Variants in WDHD1 observed in about 807,000 individuals in gnomAD.
WDHD1 encodes the protein WD repeat and HMG-box DNA binding protein 1, also known as WD repeat and HMG-box DNA-binding protein 1.
WDHD1 carries 111 observed loss-of-function variants against 135.4 expected under a neutral mutation model. That is an observed-to-expected ratio of 0.82 (90% CI 0.70 to 0.96). The LOEUF (loss-of-function observed/expected upper bound fraction) is 0.96. Ranked by LOEUF, WDHD1 falls within the 40% of genes least tolerant of loss-of-function variation. The probability of loss-of-function intolerance (pLI) is 0.00; values close to 1 mark genes in which losing one functional copy is unlikely to be tolerated. For synonymous variants in WDHD1, 434 were observed against 439.0 expected, an observed-to-expected ratio of 0.99 and a Z score of 0.14; for missense variants, 1,351 against 1,336.3, an observed-to-expected ratio of 1.01 and a Z score of -0.17.
At chr14:55,026,099 C>A (rs942853094) in intron 2 of WDHD1, among the ~76,000 whole-genome samples, 2 of 152,184 alleles carry the variant, frequency 1.3e-5, no homozygotes, top group African/African-American at 2.4e-5. Flanking sequence ...GAGGAAAAGA[C>A]TGTGTCTGGT....
chr14:54,955,625 T>C lies in WDHD1; in HGVS notation c.2986A>G (p.Asn996Asp). 1 of 1,593,690 alleles carries C rather than the reference T, an allele frequency of 6.3e-7. No individual in the cohort carries two copies. The highest frequency in any genetic ancestry group is 8.5e-7 in the Non-Finnish European group (1 of 1,172,670). The change falls in exon 24 of 26, where the codon AAT becomes GAT. Residue 996 changes from asparagine to aspartate, a missense_variant. Physicochemically the swap from Asn to Asp is conservative, Grantham distance 23 (BLOSUM62 1). Around this residue, in one of 2 missense-constraint regions of WDHD1, gnomAD observed 1,330 missense variants for 1,296.1 expected, o/e 1.03. Coordinates refer to ENST00000360586, the MANE Select transcript of WDHD1 (RefSeq NM_007086.4). ...TNKTEEVKEE[N>D]LKNVLSETPA... Reference sequence around the variant, plus strand: ...GTTTCAGATAATACATTTTTAAGATTTTCTTCTTTCACTTCCTCAGTTTTA... The same window carrying C: ...GTTTCAGATAATACATTTTTAAGATCTTCTTCTTTCACTTCCTCAGTTTTA...
rs754321555 is a variant in WDHD1 at position 54,941,602 on chromosome 14, G to C, written c.3278C>G (p.Thr1093Arg). 1 of 1,613,786 alleles carries C rather than the reference G, an allele frequency of 6.2e-7. No individual in the cohort carries two copies. Among genetic ancestry groups the C allele is most frequent in the Non-Finnish European group, 8.5e-7 (1 of 1,179,938 alleles). ...TTTTGCTTTTTCTTCCTGGTTTTCT[G>C]TTTCATCACTTTCATCAACCACACG... ...RKRVVDESDE[T>R]ENQEEKAKEN... The change falls in exon 26 of 26, where the codon ACA (threonine) becomes AGA (arginine). Residue 1093 changes from threonine to arginine, a missense_variant. By Grantham distance (71) the Thr-to-Arg change is moderately conservative (BLOSUM62 -1). Around this residue, in one of 2 missense-constraint regions of WDHD1, gnomAD observed 1,330 missense variants for 1,296.1 expected, o/e 1.03. Coordinates refer to ENST00000360586, the MANE Select transcript of WDHD1 (RefSeq NM_007086.4).
chr14:55,005,750 G>A (rs1295824062), intron 7 of WDHD1: 1 of 395,822 alleles, frequency 2.5e-6, no homozygotes, highest in African/African-American at 2.1e-5. Context: ...ATCCTTCTCT[G>A]GGTAGTGCAG....
intron 2 of WDHD1, among the ~76,000 whole-genome samples, chr14:55,017,509 A>G (rs775821999): frequency 1.3e-4 from 19 of 151,976 alleles, no homozygotes; most frequent in Non-Finnish European, 2.6e-4. Flanking sequence ...ACACCTGGCT[A>G]AATTTCGTAT....
intron 13 of WDHD1, among the ~76,000 whole-genome samples, chr14:54,988,752 C>T (rs1595096993): frequency 7.0e-6 from 1 of 143,464 alleles, no homozygotes; most frequent in Non-Finnish European, 1.5e-5. Flanking sequence ...AAAAAAAAAG[C>T]ACTTAACAAT....
intron 3 of WDHD1, 21 bp downstream of exon 3, chr14:55,013,464 T>G (rs1309221667): frequency 1.3e-6 from 2 of 1,524,116 alleles, no homozygotes; most frequent in South Asian, 2.2e-5. Context: ...TCATATCAAT[T>G]GATATAACTG....
At chr14:55,008,491 T>G in intron 5 of WDHD1, 117 bp downstream of exon 5, 6 of 1,437,096 alleles carry the variant, frequency 4.2e-6, no homozygotes, top group Non-Finnish European at 5.7e-6. Flanking sequence ...ACTCTCTTAC[T>G]GAATAAAACA....
intron 16 of WDHD1, among the ~76,000 whole-genome samples, chr14:54,975,660 A>G (rs902726544): frequency 6.6e-6 from 1 of 151,804 alleles, no homozygotes; most frequent in Admixed American, 6.6e-5. Context: ...CATATTCATA[A>G]TTAAAGGAAA....
intron 24 of WDHD1, among the ~76,000 whole-genome samples, chr14:54,948,591 A>G (rs954379667): frequency 3.3e-5 from 5 of 152,202 alleles, no homozygotes; most frequent in African/African-American, 9.7e-5. Flanking sequence ...ATAGCCGAAC[A>G]AAGGCAGCAG....
At chr14:55,015,990 C>T (rs1033530708) in intron 2 of WDHD1, among the ~76,000 whole-genome samples, 80 of 152,320 alleles carry the variant, frequency 5.3e-4, no homozygotes, top group African/African-American at 1.8e-3. Context: ...TGAGCCACCA[C>T]ACCCAGCCCC....
Position 54,945,028 on chromosome 14 carries a change from T to C in WDHD1, c.3051-558A>G, listed in dbSNP as rs143721890. 3.2e-3 allele frequency among the ~76,000 whole-genome samples: 485 copies of C among 152,300 alleles called. 3 individuals carry two copies. Among genetic ancestry groups the C allele is most frequent in the African/African-American group, 0.011 (457 of 41,556 alleles). On this transcript the variant is annotated intron_variant, in intron 24 of 25. Transcript: ENST00000360586. ...CCAAGTGCAGCAACCATGAACTCTG[T>C]ACTTTCAACTTTTTAATGAATGTTG...
Position 54,957,615 on chromosome 14 carries a change from G to A in WDHD1, c.2722C>T (p.Gln908Ter), listed in dbSNP as rs1368808552. The A allele has an allele frequency of 6.2e-7, 1 of 1,606,828 alleles. No homozygotes were observed. Among genetic ancestry groups the A allele is most frequent in the Non-Finnish European group, 8.5e-7 (1 of 1,178,298 alleles). ...ACCTTAAAGGGATTTACTCGTCCTT[G>A]GCTGCTAAAGGTAACTGCACCTTTC... ...AKSGAVTFSSQGRVNPFKVSA... is the reference protein window; with the variant it reads ...AKSGAVTFSS Residue 908 changes from glutamine (Q) to a stop codon, truncating the protein, a stop_gained, in exon 22 of 26, where the codon CAA (glutamine) becomes TAA (stop). Transcript: ENST00000360586. LOFTEE classifies it high-confidence loss of function.
intron 2 of WDHD1, among the ~76,000 whole-genome samples, chr14:55,023,265 T>C (rs150402382): frequency 2.0e-4 from 31 of 152,352 alleles, no homozygotes; most frequent in African/African-American, 7.0e-4. Flanking sequence ...TTAGAGTCTA[T>C]AGCTATGCCT....
intron 2 of WDHD1, among the ~76,000 whole-genome samples, chr14:55,020,012 T>A (rs781758441): frequency 7.9e-5 from 12 of 152,302 alleles, no homozygotes; most frequent in South Asian, 6.2e-4. Context: ...AGAGCAACAT[T>A]CCTTCCCTAA....
chr14:54,960,303 G>GAT (rs2041230185), intron 21 of WDHD1, among the ~76,000 whole-genome samples: 1 of 151,992 alleles, frequency 6.6e-6, no homozygotes, highest in Admixed American at 6.6e-5. Flanking sequence ...AAGTAGCTGG[G>GAT]ATTACAGGTG....
Position 54,967,365 on chromosome 14 carries a change from G to A in WDHD1, c.2093C>T (p.Pro698Leu). The change falls in exon 17 of 26, where the codon CCC becomes CTC. Residue 698 changes from proline (P) to leucine (L), a missense_variant. Pro to Leu is a moderately conservative substitution (Grantham distance 98). Coordinates refer to ENST00000360586, the MANE Select transcript of WDHD1 (RefSeq NM_007086.4). ...RCIPCKGSRF[P>L]PTLPRPAVAI... Reference sequence around the variant, plus strand: ...AACAGCAGGGCGTGGAAGGGTTGGGGGAAACCGAGAACCTTTACAAGGAAT... The same window carrying A: ...AACAGCAGGGCGTGGAAGGGTTGGGAGAAACCGAGAACCTTTACAAGGAAT... The A allele has an allele frequency of 1.2e-6, 2 of 1,611,756 alleles. No homozygotes were observed. The highest frequency in any genetic ancestry group is 1.7e-6 in the Non-Finnish European group (2 of 1,178,666).
chr14:54,977,686 A>G (rs112123124), intron 16 of WDHD1, among the ~76,000 whole-genome samples: 16 of 152,284 alleles, frequency 1.1e-4, no homozygotes, highest in African/African-American at 3.8e-4. Context: ...TAAATAAATA[A>G]AAAGGGCTCT....
intron 21 of WDHD1, among the ~76,000 whole-genome samples, chr14:54,957,977 G>T (rs2140162064): frequency 6.6e-6 from 1 of 152,196 alleles, no homozygotes; most frequent in East Asian, 1.9e-4. Context: ...CAGAAAACCT[G>T]ACCTATCAAG....
At chr14:55,000,441 T>C in intron 10 of WDHD1, 62 bp downstream of exon 10, 1 of 1,479,330 alleles carries the variant, frequency 6.8e-7, no homozygotes, top group Non-Finnish European at 9.0e-7. Context: ...TTGTGGTGTC[T>C]TCCAAATCCA....
Sources: gnomAD v4.1 joint callset for allele counts (sites outside exome capture counted in the v4.1 genomes callset) on GRCh38, gnomAD v4.1.1 for gene constraint, gnomAD v4.1.1 regional missense constraint, MANE v1.5 for transcripts, NCBI Gene and HGNC (gene_info 2026-07-23, HGNC 2026-07-21) for gene names.